The following RELN variants were observed in gnomAD, a reference collection of about 807,000 sequenced individuals.
RELN encodes reelin.
In RELN, 108 loss-of-function variants were observed where a neutral mutation model predicts 427.6. That is an observed-to-expected ratio of 0.25 (90% CI 0.22 to 0.30). The LOEUF (loss-of-function observed/expected upper bound fraction) is 0.30, where lower values mean the gene tolerates loss of function less well. RELN is among the 10% of genes least tolerant of loss of function. The pLI is 1.00. For missense variants in RELN, 3,715 were observed against 4,302.8 expected (o/e 0.86, Z 3.82); for synonymous variants, 1,524 against 1,513.4 (o/e 1.01, Z -0.16).
Position 103,638,216 on chromosome 7 carries a change from C to T in RELN, c.2070-1748G>A, listed in dbSNP as rs62482570. Among the ~76,000 whole-genome samples, 1,354 of 152,244 alleles carry T rather than the reference C, an allele frequency of 8.9e-3. 10 individuals are homozygous for T. The highest frequency in any genetic ancestry group is 0.013 in the Non-Finnish European group (901 of 68,014). ...TCCATCTACACATGCTTAAATTTAG[C>T]GGTATAGTCACCCTGTAATGTCAGG... On this transcript the variant is annotated intron_variant, in intron 17 of 64. Coordinates refer to ENST00000428762, the MANE Select transcript of RELN (RefSeq NM_005045.4).
At chr7:103,501,041 G>GAAAT (rs1391443223) in intron 52 of RELN, 119 bp from the exon 53 acceptor site, 8 of 875,686 alleles carry the variant, frequency 9.1e-6, no homozygotes, top group Non-Finnish European at 1.3e-5. Context: ...CTTACTAGAT[G>GAAAT]AAATAGGTTA....
At position 103,563,341 on chromosome 7, in the gene RELN, G is replaced by C. The variant is rs1830679974; in HGVS notation, c.5211-1388C>G. ...TTGACATCTTGATGATTCTGACCTT[G>C]TGTATGCCAAGGCTAATAATGTGTA... On this transcript the variant is annotated intron_variant, in intron 34 of 64. Coordinates refer to ENST00000428762, the MANE Select transcript of RELN (RefSeq NM_005045.4). The surrounding 1 kb of genome is among the most constrained non-coding windows in gnomAD (Gnocchi z 4.1). Among the ~76,000 whole-genome samples, 1 of 152,168 alleles carries C rather than the reference G, an allele frequency of 6.6e-6. No homozygotes were observed. Among genetic ancestry groups the C allele is most frequent in the South Asian group, 2.1e-4 (1 of 4,828 alleles).
At chr7:103,782,602 C>T (rs575896492) in intron 3 of RELN, among the ~76,000 whole-genome samples, 2 of 152,234 alleles carry the variant, frequency 1.3e-5, no homozygotes, top group African/African-American at 2.4e-5. Context: ...ATGATTTGAA[C>T]ATATGAAGGA....
At chr7:103,943,846 T>C (rs1229749005) in intron 1 of RELN, among the ~76,000 whole-genome samples, 4 of 11,670 alleles carry the variant, frequency 3.4e-4, no homozygotes, top group African/African-American at 2.0e-3. Context: ...AGATTCTGTC[T>C]CCAAAAAAAA....
In RELN at chr7:103,715,393, G is replaced by T. The variant is rs79431927; in HGVS notation, c.805+7747C>A. On this transcript the variant is annotated intron_variant, in intron 8 of 64. Coordinates refer to ENST00000428762, the MANE Select transcript of RELN (RefSeq NM_005045.4). Reference sequence around the variant, plus strand: ...TAAAAGCAACTGTCTTCCACTTTCTGTTTTATATTTATGTTTAAACTGAGG... The same window carrying T: ...TAAAAGCAACTGTCTTCCACTTTCTTTTTTATATTTATGTTTAAACTGAGG... Among the ~76,000 whole-genome samples the T allele has an allele frequency of 3.1e-3, 469 of 152,244 alleles. 2 individuals carry two copies. The highest frequency in any genetic ancestry group is 0.011 in the African/African-American group (459 of 41,554).
chr7:103,892,831 G>A (rs955841366), intron 2 of RELN, among the ~76,000 whole-genome samples: 1 of 152,124 alleles, frequency 6.6e-6, no homozygotes, highest in Non-Finnish European at 1.5e-5. Context: ...GGAAATTCCT[G>A]TAGGCATGTA....
intron 6 of RELN, among the ~76,000 whole-genome samples, chr7:103,743,415 T>C (rs1790724129): frequency 6.6e-6 from 1 of 152,142 alleles, no homozygotes; most frequent in Non-Finnish European, 1.5e-5. Flanking sequence ...CATAACAATA[T>C]TAACCTTAAA....
chr7:103,928,158 A>G (rs780992437), intron 1 of RELN, among the ~76,000 whole-genome samples: 2 of 152,246 alleles, frequency 1.3e-5, no homozygotes, highest in South Asian at 2.1e-4. Context: ...TGCTTAAGAT[A>G]TAAGTTCTAA....
At chr7:103,473,088 C>T in intron 64 of RELN, 180 bp from the exon 65 acceptor site, 3 of 711,274 alleles carry the variant, frequency 4.2e-6, no homozygotes, top group Non-Finnish European at 7.9e-6. Flanking sequence ...AAGGCTGGGA[C>T]CTATACTCAC....
chr7:103,759,412 C>G (rs370978859), intron 4 of RELN, among the ~76,000 whole-genome samples: 4 of 152,082 alleles, frequency 2.6e-5, no homozygotes, highest in East Asian at 3.8e-4. Context: ...GAATAACATG[C>G]TTCTTGGTCT....
rs1314193916 is a variant in RELN, at chr7:103,701,014, T to G, written c.806-8A>C. ...AGCGACATGAACCTGACCCTGTAAA[T>G]AGCAATAACAATAAATTTCAAGGTT... On this transcript the variant is annotated splice_polypyrimidine_tract_variant and splice_region_variant and intron_variant, in intron 8 of 64. Transcript: ENST00000428762. The G allele has an allele frequency of 6.6e-7, 1 of 1,522,440 alleles. No homozygotes were observed. The highest frequency in any genetic ancestry group is 1.4e-5 in the African/African-American group (1 of 73,096). The allele number at this position is 1,522,440 out of a possible 1,614,324, so 94.3% of individuals were successfully genotyped here.
intron 15 of RELN, among the ~76,000 whole-genome samples, chr7:103,650,758 T>C (rs1048286286): frequency 1.3e-5 from 2 of 152,034 alleles, no homozygotes; most frequent in Non-Finnish European, 2.9e-5. Context: ...CCTGAGTAGG[T>C]AGGACTACAG....
intron 64 of RELN, among the ~76,000 whole-genome samples, chr7:103,473,307 T>C (rs1337856373): frequency 6.6e-6 from 1 of 152,206 alleles, no homozygotes; most frequent in Non-Finnish European, 1.5e-5. Flanking sequence ...CTTTAACAAG[T>C]AGGAAAAATA....
intron 8 of RELN, among the ~76,000 whole-genome samples, chr7:103,720,584 A>C (rs1300469992): frequency 6.6e-6 from 1 of 152,182 alleles, no homozygotes. Flanking sequence ...TCCACAGTAC[A>C]CAAGGAAATG....
Position 103,953,825 on chromosome 7 carries a change from G to A in RELN, c.226+35306C>T, listed in dbSNP as rs1272631057. Among the ~76,000 whole-genome samples the A allele has an allele frequency of 5.3e-5, 8 of 151,960 alleles. No homozygotes were observed. The highest frequency in any genetic ancestry group is 1.5e-4 in the African/African-American group (6 of 41,362). ...CACACGCCTATAATCCCAACTACTC[G>A]GGAGACTGAGGCAGGAGAATCCCCT... On this transcript the variant is annotated intron_variant, in intron 1 of 64. Transcript: ENST00000428762. This position sits in a 1 kb window ranked among gnomAD's most constrained non-coding sequence, Gnocchi z 4.3.
At chr7:103,982,480 G>A (rs944844887) in intron 1 of RELN, among the ~76,000 whole-genome samples, 1 of 151,868 alleles carries the variant, frequency 6.6e-6, no homozygotes, top group Admixed American at 6.6e-5. Flanking sequence ...GTGTAGAGAT[G>A]GCAATGGGGG....
chr7:103,980,664 T>C (rs1424488210), intron 1 of RELN, among the ~76,000 whole-genome samples: 4 of 152,216 alleles, frequency 2.6e-5, no homozygotes, highest in East Asian at 3.9e-4. Context: ...TAACAGTACC[T>C]TCCTCATGAG....
intron 12 of RELN, among the ~76,000 whole-genome samples, chr7:103,660,011 T>A (rs913980914): frequency 7.2e-5 from 11 of 152,150 alleles, no homozygotes; most frequent in African/African-American, 2.7e-4. Context: ...TTTAATTCAT[T>A]GATTAATAAT....
intron 3 of RELN, among the ~76,000 whole-genome samples, chr7:103,778,514 C>T (rs1413832973): frequency 6.6e-6 from 1 of 152,192 alleles, no homozygotes; most frequent in East Asian, 1.9e-4. Context: ...TTGTGCCAGC[C>T]TATGCTCCCA....
Sources: gnomAD v4.1 joint callset for allele counts (sites outside exome capture counted in the v4.1 genomes callset) on GRCh38, gnomAD v4.1.1 for gene constraint, Gnocchi (gnomAD v3.1) non-coding constraint, MANE v1.5 for transcripts, NCBI Gene and HGNC (gene_info 2026-07-23, HGNC 2026-07-21) for gene names.